The following ALK variants were observed in gnomAD, a reference collection of about 807,000 sequenced individuals.
ALK encodes ALK receptor tyrosine kinase.
A neutral mutation model predicts 163.1 loss-of-function variants in ALK; 74 were observed. The ratio of observed to expected loss-of-function variants is 0.45; its 90% CI spans 0.38 to 0.55. The LOEUF is 0.55. ALK is among the 20% of genes least tolerant of loss of function. The pLI, the probability that ALK is intolerant of heterozygous loss-of-function variation, is 0.00. For synonymous variants in ALK, 960 were observed against 843.2 expected, an observed-to-expected ratio of 1.14 and a Z score of -2.40; for missense variants, 2,063 against 2,105.3, an observed-to-expected ratio of 0.98 and a Z score of 0.39.
At chr2:29,598,176 G>A (rs917423619) in intron 3 of ALK, among the ~76,000 whole-genome samples, 8 of 152,246 alleles carry the variant, frequency 5.3e-5, no homozygotes, top group African/African-American at 1.4e-4. Context: ...ACAGGTGTGC[G>A]CCACCACGCC....
intron 1 of ALK, among the ~76,000 whole-genome samples, chr2:29,782,222 T>A (rs112399860): frequency 1.9e-4 from 29 of 152,278 alleles, no homozygotes; most frequent in African/African-American, 6.5e-4. Flanking sequence ...GCCCTGAGAT[T>A]AGACAAGGAT....
intron 3 of ALK, among the ~76,000 whole-genome samples, chr2:29,599,466 TGAA>T (rs1675315297): frequency 6.6e-6 from 1 of 152,238 alleles, no homozygotes; most frequent in African/African-American, 2.4e-5. Context: ...GCTTGAATTG[TGAA>T]GCACCAAGGG....
intron 3 of ALK, among the ~76,000 whole-genome samples, chr2:29,548,723 A>T (rs1411898525): frequency 6.6e-6 from 1 of 152,150 alleles, no homozygotes; most frequent in Non-Finnish European, 1.5e-5. Flanking sequence ...TCTTCAATAA[A>T]CATTTGCTGA....
At chr2:29,342,027 C>T (rs1000979937) in intron 5 of ALK, among the ~76,000 whole-genome samples, 5 of 152,112 alleles carry the variant, frequency 3.3e-5, no homozygotes, top group African/African-American at 7.2e-5. Flanking sequence ...TAATATTCAG[C>T]CTACTATGTA....
chr2:29,209,283 G>A (rs368962844), intron 25 of ALK, among the ~76,000 whole-genome samples: 1 of 152,122 alleles, frequency 6.6e-6, no homozygotes, highest in African/African-American at 2.4e-5. Context: ...GCTCACACCT[G>A]TAATCCCAGC....
At position 29,203,485 on chromosome 2, in the gene ALK, C is replaced by CT. The variant is rs1156462365; in HGVS notation, c.3938+3685dup. Among the ~76,000 whole-genome samples the CT allele has an allele frequency of 3.2e-3, 105 of 32,514 alleles. 35 individuals are homozygous for CT. The highest frequency in any genetic ancestry group is 5.0e-3 in the East Asian group (5 of 1,004). The allele number at this position is 32,514 out of a possible 152,430, so 21.3% of individuals were successfully genotyped here. A position where few individuals can be genotyped will look rare whatever the true frequency, so the allele number is the denominator to read the frequency against. ...TATCACCATTGGCCTGAGGATGTGC[C>CT]TTTTTTTTTTTTTTTTTTTTTTTTT... On this transcript the variant is annotated intron_variant, in intron 26 of 28. Transcript: ENST00000389048.
intron 1 of ALK, among the ~76,000 whole-genome samples, chr2:29,755,241 C>G (rs1427054848): frequency 6.6e-6 from 1 of 152,178 alleles, no homozygotes; most frequent in Non-Finnish European, 1.5e-5. Context: ...ACCCTGCACT[C>G]AAAGGGACTC....
chr2:29,433,409 G>A (rs1670326094), intron 4 of ALK, among the ~76,000 whole-genome samples: 1 of 152,146 alleles, frequency 6.6e-6, no homozygotes, highest in Non-Finnish European at 1.5e-5. Context: ...GAAACATGAG[G>A]CCATTAGGAG....
intron 3 of ALK, among the ~76,000 whole-genome samples, chr2:29,614,538 C>A (rs868486615): frequency 6.6e-6 from 1 of 152,184 alleles, no homozygotes; most frequent in South Asian, 2.1e-4. Context: ...ATCTGGAGAC[C>A]GACAAGAATT....
chr2:29,825,001 G>A (rs1362937174), intron 1 of ALK, among the ~76,000 whole-genome samples: 1 of 152,190 alleles, frequency 6.6e-6, no homozygotes, highest in African/African-American at 2.4e-5. Flanking sequence ...AATCATGGGA[G>A]CAAGTCTTTC....
chr2:29,527,895 A>G (rs1002733980), intron 4 of ALK, among the ~76,000 whole-genome samples: 5 of 152,082 alleles, frequency 3.3e-5, no homozygotes, highest in Non-Finnish European at 7.4e-5. Flanking sequence ...CAGGAAACCA[A>G]CATGGAAAGG....
intron 3 of ALK, among the ~76,000 whole-genome samples, chr2:29,679,951 G>C (rs1045391017): frequency 2.6e-5 from 4 of 151,862 alleles, no homozygotes; most frequent in African/African-American, 9.7e-5. Context: ...GGTTAGTTTT[G>C]CTTGATATCA....
chr2:29,519,037 G>A (rs1256680443), intron 4 of ALK, among the ~76,000 whole-genome samples: 1 of 152,214 alleles, frequency 6.6e-6, no homozygotes, highest in Non-Finnish European at 1.5e-5. Context: ...TTCACAAAGA[G>A]CCTACAAGGT....
intron 4 of ALK, among the ~76,000 whole-genome samples, chr2:29,475,323 A>T (rs1361349154): frequency 6.6e-6 from 1 of 152,116 alleles, no homozygotes; most frequent in African/African-American, 2.4e-5. Context: ...GTCTCCTCCC[A>T]ACTCCACATC....
chr2:29,420,700 G>T (rs1009715395), intron 4 of ALK, among the ~76,000 whole-genome samples: 2 of 151,516 alleles, frequency 1.3e-5, no homozygotes, highest in Admixed American at 1.3e-4. Context: ...AGAGTGGATC[G>T]TATGCAGAGG....
chr2:29,722,716 CCCCTGAA>C (rs1437047661), intron 1 of ALK, among the ~76,000 whole-genome samples: 1 of 152,174 alleles, frequency 6.6e-6, no homozygotes, highest in African/African-American at 2.4e-5. Flanking sequence ...CCCAATCTCT[CCCCTGAA>C]CAACAGAATA....
intron 1 of ALK, among the ~76,000 whole-genome samples, chr2:29,813,789 G>A (rs980488146): frequency 3.3e-5 from 5 of 152,152 alleles, no homozygotes; most frequent in African/African-American, 9.7e-5. Flanking sequence ...ACTCACAATT[G>A]TGTGGCAAAT....
At chr2:29,408,173 C>T (rs1386049396) in intron 4 of ALK, among the ~76,000 whole-genome samples, 8 of 151,612 alleles carry the variant, frequency 5.3e-5, no homozygotes, top group Non-Finnish European at 8.8e-5. Flanking sequence ...AACTCTGCCT[C>T]CCGGGTTCAA....
Position 29,532,940 on chromosome 2 carries a change from T to C in ALK, c.953-824A>G, listed in dbSNP as rs538622445. 7.9e-5 allele frequency among the ~76,000 whole-genome samples: 12 copies of C among 152,362 alleles called. No homozygotes were observed. In the South Asian group the frequency reaches 2.5e-3, roughly 32 times the overall value. On this transcript the variant is annotated intron_variant, in intron 3 of 28. Coordinates refer to ENST00000389048, the MANE Select transcript of ALK (RefSeq NM_004304.5). ...TAATGAGTACTCAGTCTTCTTAAAC[T>C]ACTCCTGGCACTTCCAAGGTCTCCT...
Sources: gnomAD v4.1 joint callset for allele counts (sites outside exome capture counted in the v4.1 genomes callset) on GRCh38, gnomAD v4.1.1 for gene constraint, MANE v1.5 for transcripts, NCBI Gene and HGNC (gene_info 2026-07-23, HGNC 2026-07-21) for gene names.